COQ9: variants seen among roughly 807,000 people sequenced by gnomAD.
COQ9 encodes the protein ubiquinone biosynthesis protein COQ9, mitochondrial.
In COQ9, 35 loss-of-function variants were observed where a neutral mutation model predicts 42.4. The ratio of observed to expected loss-of-function variants is 0.83; its 90% confidence interval spans 0.63 to 1.10. The LOEUF is 1.10. COQ9 is among the 50% of genes least tolerant of loss of function. COQ9 has a pLI of 0.00. For synonymous variants in COQ9, 155 were observed against 155.1 expected (o/e 1.00, Z 0.00); for missense variants, 406 against 414.6 (o/e 0.98, Z 0.18).
chr16:57,453,210 C>T (rs2030328223), intron 3 of COQ9: 2 of 529,064 alleles, frequency 3.8e-6, no homozygotes, highest in Non-Finnish European at 6.8e-6. Context: ...TTCATTGACT[C>T]TAAGATGCCA....
Position 57,455,397 on chromosome 16 carries a change from T to TTATATATA in COQ9, c.379-1094_379-1087dup, listed in dbSNP as rs147294926. Among the ~76,000 whole-genome samples the TTATATATA allele has an allele frequency of 8.9e-3, 1,270 of 142,818 alleles. 16 individuals are homozygous for TTATATATA. Among genetic ancestry groups the TTATATATA allele is most frequent in the South Asian group, 0.054 (245 of 4,534 alleles). The allele number at this position is 142,818 out of a possible 152,430, so 93.7% of individuals were successfully genotyped here. A position where few individuals can be genotyped will look rare whatever the true frequency, so the allele number is the denominator to read the frequency against. ...TACAGTATATATATGCACGCTGATT[T>TTATATATA]TATATATATATATATATATAAAATA... On this transcript the variant is annotated intron_variant, in intron 3 of 8. Coordinates refer to ENST00000262507, the MANE Select transcript of COQ9 (RefSeq NM_020312.4).
At chr16:57,448,909 T>A (rs187443486) in intron 1 of COQ9, among the ~76,000 whole-genome samples, 7 of 152,270 alleles carry the variant, frequency 4.6e-5, no homozygotes, top group East Asian at 1.9e-4. Flanking sequence ...GTATTTTTTT[T>A]ATGGAATACT....
At chr16:57,449,057 A>G (rs904629904) in intron 1 of COQ9, among the ~76,000 whole-genome samples, 22 of 152,248 alleles carry the variant, frequency 1.4e-4, no homozygotes, top group Non-Finnish European at 3.2e-4. Flanking sequence ...AGTTTAGAGC[A>G]TGCAGAAGTC....
At chr16:57,447,935 ACACGGC>A (rs1240953248) in intron 1 of COQ9, 1 of 209,052 alleles carries the variant, frequency 4.8e-6, no homozygotes, top group African/African-American at 2.3e-5. Flanking sequence ...GGACAGGTGG[ACACGGC>A]CACAGAGAGC....
At chr16:57,456,412 T>C (rs2030403151) in intron 3 of COQ9, 92 bp from the exon 4 acceptor site, 1 of 1,402,848 alleles carries the variant, frequency 7.1e-7, no homozygotes, top group East Asian at 2.3e-5. Flanking sequence ...ATCAAGCTGC[T>C]GTCACTAGGA....
At chr16:57,453,062 C>T in intron 3 of COQ9, 126 bp downstream of exon 3, 2 of 1,299,096 alleles carry the variant, frequency 1.5e-6, no homozygotes, top group Non-Finnish European at 2.2e-6. Context: ...GCAAGATTGA[C>T]TGGTTTTTTT....
chr16:57,448,978 G>T (rs928983249), intron 1 of COQ9, among the ~76,000 whole-genome samples: 14 of 152,108 alleles, frequency 9.2e-5, no homozygotes. Flanking sequence ...AAGTGATAAG[G>T]ACCATTTTTA....
chr16:57,453,210 CTAAGATGCCATTGGTTG>C lies in COQ9; in HGVS notation c.378+280_378+296del, dbSNP rs535803446. Reference sequence around the variant, plus strand: ...TCAAAACTCCCATGTTTCATTGACTCTAAGATGCCATTGGTTGTAAGAAGCATCATTTTTAAATGCAT... The same window carrying C: ...TCAAAACTCCCATGTTTCATTGACTCTAAGAAGCATCATTTTTAAATGCAT... On this transcript the variant is annotated intron_variant, in intron 3 of 8. Coordinates refer to ENST00000262507, the MANE Select transcript of COQ9 (RefSeq NM_020312.4). 1.7e-4 allele frequency: 88 copies of C among 529,064 alleles called. No homozygotes were observed. The East Asian group carries it at 2.9e-3, about 18-fold the overall frequency. The allele number at this position is 529,064 out of a possible 1,614,324, so 32.8% of individuals were successfully genotyped here.
At chr16:57,459,921 C>T in intron 7 of COQ9, 130 bp from the exon 8 acceptor site, 1 of 1,024,592 alleles carries the variant, frequency 9.8e-7, no homozygotes, top group South Asian at 1.3e-5. Context: ...TTGTCCAAAG[C>T]TCTCCTTCCA....
chr16:57,455,605 T>C (rs1438313859), intron 3 of COQ9, among the ~76,000 whole-genome samples: 2 of 151,846 alleles, frequency 1.3e-5, no homozygotes, highest in African/African-American at 2.4e-5. Flanking sequence ...CAGCTAGACA[T>C]TGGTTACTGG....
chr16:57,450,351 G>C (rs2030254874), intron 1 of COQ9, among the ~76,000 whole-genome samples: 2 of 148,232 alleles, frequency 1.3e-5, no homozygotes, highest in South Asian at 4.2e-4. Context: ...GGAGGCAGAG[G>C]TTGCAGTGAG....
In COQ9 at chr16:57,447,524, T is replaced by G; in HGVS notation, c.19T>G (p.Ser7Ala). 2.3e-6 allele frequency: 3 copies of G among 1,310,366 alleles called. No individual in the cohort carries two copies. The highest frequency in any genetic ancestry group is 3.5e-5 in the Admixed American group (1 of 28,754). The allele number at this position is 1,310,366 out of a possible 1,614,324, so 81.2% of individuals were successfully genotyped here. A position where few individuals can be genotyped will look rare whatever the true frequency, so the allele number is the denominator to read the frequency against. MAAAAV[S>A]GALGRAGWRL... ...TTCCAAAATGGCGGCGGCGGCGGTATCTGGTGCGCTTGGCCGGGCGGGCTG... is the reference window on the plus strand; with the variant it reads ...TTCCAAAATGGCGGCGGCGGCGGTAGCTGGTGCGCTTGGCCGGGCGGGCTG... The change falls in exon 1 of 9, where the codon TCT (serine) becomes GCT (alanine). Residue 7 changes from serine (S) to alanine (A), a missense_variant. By Grantham distance (99) the Ser-to-Ala change is moderately conservative. Coordinates refer to ENST00000262507, the MANE Select transcript of COQ9 (RefSeq NM_020312.4).
At chr16:57,449,218 C>T (rs771741304) in intron 1 of COQ9, among the ~76,000 whole-genome samples, 26 of 152,256 alleles carry the variant, frequency 1.7e-4, no homozygotes, top group South Asian at 1.2e-3. Flanking sequence ...GGAGACAAGC[C>T]CTATCCTTCT....
chr16:57,450,888 T>G (rs2030269123), intron 1 of COQ9, 152 bp from the exon 2 acceptor site: 1 of 858,248 alleles, frequency 1.2e-6, no homozygotes, highest in South Asian at 1.5e-5. Context: ...GTTCCCAGTT[T>G]ACCCAATATT....
intron 2 of COQ9, among the ~76,000 whole-genome samples, chr16:57,452,120 C>A (rs1190076133): frequency 6.6e-6 from 1 of 152,180 alleles, no homozygotes; most frequent in Non-Finnish European, 1.5e-5. Context: ...TGAGGCCCTA[C>A]TATCATGCCA....
intron 2 of COQ9, among the ~76,000 whole-genome samples, chr16:57,451,678 T>C (rs377462056): frequency 9.3e-4 from 141 of 152,368 alleles, no homozygotes; most frequent in African/African-American, 3.1e-3. Flanking sequence ...AGAATAGATA[T>C]AATGTGTATA....
chr16:57,460,275 TA>T (rs1285327402), intron 8 of COQ9, among the ~76,000 whole-genome samples, 171 bp downstream of exon 8: 1 of 152,202 alleles, frequency 6.6e-6, no homozygotes, highest in Non-Finnish European at 1.5e-5. Flanking sequence ...CTCACTTCTT[TA>T]TTTTTTCCTG....
At chr16:57,448,491 T>C (rs933197732) in intron 1 of COQ9, among the ~76,000 whole-genome samples, 29 of 152,066 alleles carry the variant, frequency 1.9e-4, no homozygotes, top group Admixed American at 1.6e-3. Flanking sequence ...TGGTACAATC[T>C]CGGCTCACTG....
intron 8 of COQ9, 62 bp downstream of exon 8, chr16:57,460,166 T>C (rs370897019): frequency 8.0e-6 from 12 of 1,495,494 alleles, no homozygotes; most frequent in Non-Finnish European, 1.1e-5. Flanking sequence ...GTGATACATG[T>C]GTTACTGACT....
Sources: gnomAD v4.1 joint callset for allele counts (sites outside exome capture counted in the v4.1 genomes callset) on GRCh38, gnomAD v4.1.1 for gene constraint, MANE v1.5 for transcripts, NCBI Gene and HGNC (gene_info 2026-07-23, HGNC 2026-07-21) for gene names.